The following GGN variants were observed in gnomAD, a reference collection of about 807,000 sequenced individuals.
GGN encodes the protein gametogenetin.
Under a neutral mutation model 35.5 loss-of-function variants are expected in GGN, and 27 were observed. The observed-to-expected ratio is 0.76, with a 90% CI of 0.56 to 1.05. The LOEUF (loss-of-function observed/expected upper bound fraction) is 1.05, where lower values mean the gene tolerates loss of function less well. GGN is among the 50% of genes least tolerant of loss of function. GGN has a pLI of 0.00. For synonymous variants in GGN, 425 were observed against 444.1 expected, an observed-to-expected ratio of 0.96 and a Z score of 0.54; for missense variants, 1,006 against 940.7, an observed-to-expected ratio of 1.07 and a Z score of -0.91.
rs541675745 is a variant in GGN, at chr19:38,385,891, C to T, written c.1371G>A (p.Thr457=). 1.3e-6 allele frequency: 2 copies of T among 1,555,388 alleles called. No individual in the cohort carries two copies. Among genetic ancestry groups the T allele is most frequent in the East Asian group, 2.4e-5 (1 of 41,422 alleles). ...PTLQPPALQP[T]PLPVAPPLTP... Reference sequence around the variant, plus strand: ...TGAGCGGGGGAGCCACCGGCAGCGGCGTTGGCTGGAGCGCTGGTGGCTGCA... The same window carrying T: ...TGAGCGGGGGAGCCACCGGCAGCGGTGTTGGCTGGAGCGCTGGTGGCTGCA... The change falls in exon 3 of 4, where the codon ACG becomes ACA. Residue 457 remains threonine (T), a synonymous_variant. Coordinates refer to ENST00000334928, the MANE Select transcript of GGN (RefSeq NM_152657.4).
In GGN at chr19:38,385,688, G is replaced by T. The variant is rs757820791; in HGVS notation, c.1574C>A (p.Thr525Lys). 1.2e-6 allele frequency: 2 copies of T among 1,613,270 alleles called. No individual in the cohort carries two copies. The highest frequency in any genetic ancestry group is 2.2e-5 in the South Asian group (2 of 91,080). ...TGCACGGGAACCCTTGTTCCTGCGC[G>T]TGCGGGTCTTGATGGGCGCAGCCGC... ...APAAAPIKTRTRRNKGSRAAR... is the reference protein window; with the variant it reads ...APAAAPIKTRKRRNKGSRAAR... Residue 525 changes from threonine (T) to lysine (K), a missense_variant, in exon 3 of 4, where the codon ACG becomes AAG. Coordinates refer to ENST00000334928, the MANE Select transcript of GGN (RefSeq NM_152657.4).
chr19:38,385,735 C>T lies in GGN; in HGVS notation c.1527G>A (p.Pro509=), dbSNP rs1207944998. Residue 509 remains proline (P), a synonymous_variant, in exon 3 of 4, where the codon CCG becomes CCA. Coordinates refer to ENST00000334928, the MANE Select transcript of GGN (RefSeq NM_152657.4). The part of the protein sequence containing the change: ...APAPTVAEPS[P]PVSAPAPAAA... ...CCGCGGGTGCGGGCGCGGACACAGG[C>T]GGCGAGGGCTCAGCCACGGTGGGAG... 3.1e-6 allele frequency: 5 copies of T among 1,593,348 alleles called. No homozygotes were observed. The highest frequency in any genetic ancestry group is 4.6e-5 in the East Asian group (2 of 43,414).
upstream of GGN, chr19:38,388,277 G>T: frequency 8.0e-6 from 3 of 375,934 alleles, no homozygotes; most frequent in Non-Finnish European, 1.4e-5. Flanking sequence ...TCCACCGTGG[G>T]CCCGCCCCTT....
upstream of GGN, among the ~76,000 whole-genome samples, chr19:38,388,260 A>G (rs1015870776): frequency 2.6e-5 from 4 of 151,752 alleles, no homozygotes; most frequent in African/African-American, 9.7e-5. Context: ...GGCGCCGAGA[A>G]GGCCCATCCA....
chr19:38,388,250 G>A, upstream of GGN, among the ~76,000 whole-genome samples: 1 of 151,522 alleles, frequency 6.6e-6, no homozygotes, highest in East Asian at 2.0e-4. Flanking sequence ...CTTCCCCCCG[G>A]GCGCCGAGAA....
chr19:38,387,207 G>T lies in GGN; in HGVS notation c.55C>A (p.Pro19Thr), dbSNP rs760818779. 1.3e-6 allele frequency: 2 copies of T among 1,595,946 alleles called. No individual in the cohort carries two copies. The highest frequency in any genetic ancestry group is 1.7e-6 in the Non-Finnish European group (2 of 1,172,120). Residue 19 changes from proline (P) to threonine (T), a missense_variant, in exon 3 of 4, where the codon CCC becomes ACC. By Grantham distance (38) the Pro-to-Thr change is conservative (BLOSUM62 -1). Coordinates refer to ENST00000334928, the MANE Select transcript of GGN (RefSeq NM_152657.4). This position sits in a 1 kb window ranked among gnomAD's most constrained non-coding sequence, Gnocchi z 5.3. ...CGGGAGTCGGGGGCGCGGTCCGAGG[G>T]CTGCACTTTTCGGGAGCCCCCGCCC... ...SAGGGSRKVQ[P>T]SDRAPDSRRT...
chr19:38,384,560 C>T (rs777403768), intron 3 of GGN, 31 bp from the exon 4 acceptor site: 2 of 1,537,902 alleles, frequency 1.3e-6, no homozygotes, highest in Non-Finnish European at 1.8e-6. Flanking sequence ...CAGCAAAGCC[C>T]AGCAATGGGA....
chr19:38,385,970 G>GTTC lies in GGN; in HGVS notation c.1291_1292insGAA (p.Pro431delinsArgThr), dbSNP rs1970710251. The stretch of plus-strand genomic sequence containing the variant: ...CGGTGGTAACTCCTGCAGGCCTGGA[G>GTTC]GCCCCGGGCGCATGGGCTCGCCATT... On this transcript the variant is annotated protein_altering_variant, in exon 3 of 4. Coordinates refer to ENST00000334928, the MANE Select transcript of GGN (RefSeq NM_152657.4). The GTTC allele has an allele frequency of 6.2e-7, 1 of 1,604,218 alleles. No homozygotes were observed. The highest frequency in any genetic ancestry group is 8.5e-7 in the Non-Finnish European group (1 of 1,175,808).
Position 38,386,583 on chromosome 19 carries a change from C to G in GGN, c.679G>C (p.Gly227Arg). The change falls in exon 3 of 4, where the codon GGC becomes CGC. Residue 227 changes from glycine (G) to arginine (R), a missense_variant. Gly to Arg is a moderately radical substitution (Grantham distance 125). Coordinates refer to ENST00000334928, the MANE Select transcript of GGN (RefSeq NM_152657.4). Reference sequence around the variant, plus strand: ...GAATCCGCAGGCTGGGCCATTTCGCCTTCGCCCGCATGGGGAGGCGCCCCT... The same window carrying G: ...GAATCCGCAGGCTGGGCCATTTCGCGTTCGCCCGCATGGGGAGGCGCCCCT... The part of the protein sequence containing the change: ...RGGAPPHAGE[G>R]EMAQPADSES... 1.2e-6 allele frequency: 2 copies of G among 1,613,544 alleles called. No homozygotes were observed. Among genetic ancestry groups the G allele is most frequent in the Non-Finnish European group, 1.7e-6 (2 of 1,179,868 alleles).
In GGN at chr19:38,387,321, T is replaced by C. The variant is rs1970751657; in HGVS notation, c.-19-41A>G. ...TACTCCAGTCAGCCTGCCAGGGCCG[T>C]GGGGACCCTACGAGGCTGGCTGTAC... On this transcript the variant is annotated intron_variant, in intron 2 of 3. Transcript: ENST00000334928. The surrounding 1 kb of genome is among the most constrained non-coding windows in gnomAD (Gnocchi z 5.3). 6.6e-7 allele frequency: 1 copy of C among 1,506,310 alleles called. No homozygotes were observed. The highest frequency in any genetic ancestry group is 1.4e-5 in the African/African-American group (1 of 72,208). The allele number at this position is 1,506,310 out of a possible 1,614,324, so 93.3% of individuals were successfully genotyped here.
At position 38,385,788 on chromosome 19, in the gene GGN, G is replaced by GA; in HGVS notation, c.1473_1474insT (p.Gln492SerfsTer15). On this transcript the variant is annotated frameshift_variant, in exon 3 of 4. Transcript: ENST00000334928. LOFTEE classifies it high-confidence loss of function. The stretch of plus-strand genomic sequence containing the variant: ...GGAGCCGGGGATGGGGCCGGGGCCT[G>GA]GTCGGCGGCTAAGGCTGGGGGCAGA... 1 of 1,552,610 alleles carries GA rather than the reference G, an allele frequency of 6.4e-7. No individual in the cohort carries two copies. Among genetic ancestry groups the GA allele is most frequent in the Non-Finnish European group, 8.7e-7 (1 of 1,153,848 alleles).
chr19:38,386,448 C>T lies in GGN; in HGVS notation c.814G>A (p.Gly272Arg), dbSNP rs1970725049. 2 of 1,612,856 alleles carry T rather than the reference C, an allele frequency of 1.2e-6. No homozygotes were observed. Among genetic ancestry groups the T allele is most frequent in the Non-Finnish European group, 1.7e-6 (2 of 1,179,990 alleles). Residue 272 changes from glycine to arginine, a missense_variant, in exon 3 of 4, where the codon GGA (glycine) becomes AGA (arginine). Physicochemically the swap from Gly to Arg is moderately radical, Grantham distance 125. Coordinates refer to ENST00000334928, the MANE Select transcript of GGN (RefSeq NM_152657.4). Reference protein sequence around the residue: ...LAAKASLGGGGGGGLFAASGA... With the variant: ...LAAKASLGGGRGGGLFAASGA... Reference sequence around the variant, plus strand: ...GAGGCAGCAAAGAGGCCGCCGCCTCCGCCGCCCCCCAGCGAAGCTTTGGCT... The same window carrying T: ...GAGGCAGCAAAGAGGCCGCCGCCTCTGCCGCCCCCCAGCGAAGCTTTGGCT...
In GGN at chr19:38,385,453, G is replaced by A; in HGVS notation, c.1809C>T (p.Arg603=). ...PCKCYCHHQP[R]HRRLPRNVSA... is the part of the protein sequence containing the mutation. Reference sequence around the variant, plus strand: ...AGACGTTGCGTGGCAGGCGGCGATGGCGTGGCTGGTGGTGGCAGTAACACT... The same window carrying A: ...AGACGTTGCGTGGCAGGCGGCGATGACGTGGCTGGTGGTGGCAGTAACACT... Residue 603 remains arginine (R), a synonymous_variant, in exon 3 of 4, where the codon CGC becomes CGT. Transcript: ENST00000334928. 1 of 1,614,198 alleles carries A rather than the reference G, an allele frequency of 6.2e-7. No homozygotes were observed. Among genetic ancestry groups the A allele is most frequent in the Non-Finnish European group, 8.5e-7 (1 of 1,180,040 alleles).
Position 38,386,020 on chromosome 19 carries a change from A to G in GGN, c.1242T>C (p.Pro414=), listed in dbSNP as rs1277485318. ...RRPAPALLAP[P]TFIFPAPTNG... ...TGGTGGGTGCTGGGAAGATGAACGT[A>G]GGCGGCGCCAGCAGGGCAGGTGCGG... Residue 414 remains proline (P), a synonymous_variant, in exon 3 of 4, where the codon CCT becomes CCC. Coordinates refer to ENST00000334928, the MANE Select transcript of GGN (RefSeq NM_152657.4). 2.5e-6 allele frequency: 4 copies of G among 1,606,012 alleles called. No individual in the cohort carries two copies. The Admixed American group carries it at 5.1e-5, about 20-fold the overall frequency.
intron 3 of GGN, 102 bp from the exon 4 acceptor site, chr19:38,384,631 G>T: frequency 2.4e-6 from 2 of 844,326 alleles, no homozygotes; most frequent in Non-Finnish European, 3.9e-6. Context: ...GCTTCTGAAG[G>T]CTATATTGGA....
rs766551198 is a variant in GGN at position 38,386,208 on chromosome 19, C to T, written c.1054G>A (p.Asp352Asn). Residue 352 changes from aspartate to asparagine, a missense_variant, in exon 3 of 4, where the codon GAC (aspartate) becomes AAC (asparagine). Asp to Asn is a conservative substitution (Grantham distance 23). Coordinates refer to ENST00000334928, the MANE Select transcript of GGN (RefSeq NM_152657.4). ...GGGCCGTCGGGAGCGCTAACCCAGT[C>T]GAATTTGGGCTTCGAGCCTGGGAAG... The part of the protein sequence containing the change: ...TTFPGSKPKF[D>N]WVSAPDGPER... 2.5e-6 allele frequency: 4 copies of T among 1,605,578 alleles called. No individual in the cohort carries two copies. Among genetic ancestry groups the T allele is most frequent in the African/African-American group, 1.3e-5 (1 of 74,838 alleles).
At position 38,387,854 on chromosome 19, in the gene GGN, G is replaced by C. The variant is rs923383955; in HGVS notation, c.-81-32C>G. 1 of 154,866 alleles carries C rather than the reference G, an allele frequency of 6.5e-6. No homozygotes were observed. Among genetic ancestry groups the C allele is most frequent in the South Asian group, 2.0e-4 (1 of 4,990 alleles). 9.6% of individuals were successfully genotyped at this position (154,866 alleles called of 1,614,324 possible). A position where few individuals can be genotyped will look rare whatever the true frequency, so the allele number is the denominator to read the frequency against. ...TAGCAGAAAATAACCGAAAAGAACG[G>C]GGGTGCGGGTGAAGGCAAGTGGGCG... On this transcript the variant is annotated intron_variant, in intron 1 of 3. Transcript: ENST00000334928. The surrounding 1 kb of genome is among the most constrained non-coding windows in gnomAD (Gnocchi z 5.3).
Position 38,386,595 on chromosome 19 carries a change from G to A in GGN, c.667C>T (p.His223Tyr), listed in dbSNP as rs1207838026. The change falls in exon 3 of 4, where the codon CAT becomes TAT. Residue 223 changes from histidine (H) to tyrosine (Y), a missense_variant. His to Tyr is a moderately conservative substitution (Grantham distance 83). Coordinates refer to ENST00000334928, the MANE Select transcript of GGN (RefSeq NM_152657.4). The stretch of plus-strand genomic sequence containing the variant: ...TGGGCCATTTCGCCTTCGCCCGCAT[G>A]GGGAGGCGCCCCTCCGCGAGCCCTG... ...AGRARGGAPP[H>Y]AGEGEMAQPA... 4 of 1,613,170 alleles carry A rather than the reference G, an allele frequency of 2.5e-6. No individual in the cohort carries two copies. The highest frequency in any genetic ancestry group is 2.5e-6 in the Non-Finnish European group (3 of 1,179,738).
Position 38,386,798 on chromosome 19 carries a change from T to C in GGN, c.464A>G (p.Asp155Gly). The C allele has an allele frequency of 1.2e-6, 2 of 1,610,522 alleles. No homozygotes were observed. The highest frequency in any genetic ancestry group is 1.7e-6 in the Non-Finnish European group (2 of 1,177,890). ...PPPPRQLSVK[D>G]TVPRAPSQFP... ...TTGGGATGGGGCCCTCGGGACAGTG[T>C]CCTTCACGGATAGTTGCCGGGGCGG... The change falls in exon 3 of 4, where the codon GAC (aspartate) becomes GGC (glycine). Residue 155 changes from aspartate (D) to glycine (G), a missense_variant. Transcript: ENST00000334928.
Sources: gnomAD v4.1 joint callset for allele counts (sites outside exome capture counted in the v4.1 genomes callset) on GRCh38, gnomAD v4.1.1 for gene constraint, Gnocchi (gnomAD v3.1) non-coding constraint, MANE v1.5 for transcripts, NCBI Gene and HGNC (gene_info 2026-07-23, HGNC 2026-07-21) for gene names.